WDFY3: variants seen among roughly 807,000 people sequenced by gnomAD.
WDFY3 encodes WD repeat and FYVE domain containing 3.
Under a neutral mutation model 409.6 loss-of-function variants are expected in WDFY3, and 66 were observed. The observed-to-expected ratio is 0.16, with a 90% confidence interval of 0.13 to 0.20. WDFY3 has a LOEUF of 0.20. WDFY3 is among the 10% of genes least tolerant of loss of function. The probability of loss-of-function intolerance (pLI) is 1.00; values close to 1 mark genes in which losing one functional copy is unlikely to be tolerated. For missense variants in WDFY3, 3,031 were observed against 4,298.1 expected, an observed-to-expected ratio of 0.71 and a Z score of 8.24; for synonymous variants, 1,521 against 1,537.1, an observed-to-expected ratio of 0.99 and a Z score of 0.25.
chr4:84,692,614 T>C (rs1729441773), intron 59 of WDFY3, among the ~76,000 whole-genome samples: 1 of 152,162 alleles, frequency 6.6e-6, no homozygotes, highest in African/African-American at 2.4e-5. Flanking sequence ...GGTTTTGGTA[T>C]TTTAGAGCTT....
In WDFY3 at chr4:84,930,158, A is replaced by G. The variant is rs539162424; in HGVS notation, c.-132+2112T>C. 6.6e-5 allele frequency among the ~76,000 whole-genome samples: 10 copies of G among 152,296 alleles called. No homozygotes were observed. In the East Asian group the frequency reaches 9.7e-4, roughly 15 times the overall value. On this transcript the variant is annotated intron_variant, in intron 2 of 67. Transcript: ENST00000295888. The stretch of plus-strand genomic sequence containing the variant: ...TTTGTTACAGCAGCCCTCACAAACT[A>G]ATATATGTGGCAATAGATAACACAC...
intron 56 of WDFY3, among the ~76,000 whole-genome samples, chr4:84,699,514 A>G (rs1333554489): frequency 6.6e-6 from 1 of 152,188 alleles, no homozygotes; most frequent in Non-Finnish European, 1.5e-5. Context: ...TAATGCTACT[A>G]TGAACATGCT....
At chr4:84,770,421 A>G (rs1744472478) in intron 30 of WDFY3, among the ~76,000 whole-genome samples, 1 of 152,188 alleles carries the variant, frequency 6.6e-6, no homozygotes, top group Non-Finnish European at 1.5e-5. Flanking sequence ...CTGGGAAACC[A>G]AAAAATTTAT....
chr4:84,677,054 GA>G, intron 67 of WDFY3, 144 bp downstream of exon 67: 1 of 910,470 alleles, frequency 1.1e-6, no homozygotes, highest in East Asian at 2.8e-5. Context: ...TAATAAAGAA[GA>G]ACAGAAAAAG....
intron 3 of WDFY3, among the ~76,000 whole-genome samples, chr4:84,881,884 A>G (rs188278216): frequency 2.0e-5 from 3 of 151,642 alleles, no homozygotes; most frequent in Admixed American, 6.6e-5. Context: ...CTGTCTCCAA[A>G]AAAAAAAAAA....
intron 10 of WDFY3, among the ~76,000 whole-genome samples, chr4:84,824,023 C>T (rs1344362895): frequency 6.6e-6 from 1 of 152,150 alleles, no homozygotes; most frequent in Non-Finnish European, 1.5e-5. Context: ...TGTCCATCAA[C>T]TGGTGAAGAG....
At chr4:84,819,440 A>C (rs1753759497) in intron 12 of WDFY3, among the ~76,000 whole-genome samples, 1 of 152,070 alleles carries the variant, frequency 6.6e-6, no homozygotes, top group Admixed American at 6.6e-5. Context: ...AGCCCAGCCT[A>C]CTAATCTGAA....
chr4:84,706,200 C>T (rs192160054), intron 53 of WDFY3, among the ~76,000 whole-genome samples: 2 of 152,102 alleles, frequency 1.3e-5, no homozygotes, highest in Admixed American at 1.3e-4. Flanking sequence ...GAAATATGTG[C>T]CTGTGGCATA....
chr4:84,755,513 A>G lies in WDFY3; in HGVS notation c.5425-113T>C, dbSNP rs531083903. 23 of 1,223,682 alleles carry G rather than the reference A, an allele frequency of 1.9e-5. No homozygotes were observed. In the South Asian group the frequency reaches 3.8e-4, roughly 20 times the overall value. 75.8% of individuals were successfully genotyped at this position (1,223,682 alleles called of 1,614,324 possible). ...AAACTAGTTTTTTGTTGTTTTTAAAAGTAACCAATGATATAGACATAAAGA... is the reference window on the plus strand; with the variant it reads ...AAACTAGTTTTTTGTTGTTTTTAAAGGTAACCAATGATATAGACATAAAGA... On this transcript the variant is annotated intron_variant, in intron 33 of 67. Transcript: ENST00000295888.
At chr4:84,854,224 T>C (rs558082916) in intron 4 of WDFY3, among the ~76,000 whole-genome samples, 23 of 152,152 alleles carry the variant, frequency 1.5e-4, no homozygotes, top group African/African-American at 5.1e-4. Flanking sequence ...ATCAGAGCTG[T>C]GCAAAGACCT....
intron 3 of WDFY3, among the ~76,000 whole-genome samples, chr4:84,895,734 G>A: frequency 6.6e-6 from 1 of 152,150 alleles, no homozygotes; most frequent in East Asian, 1.9e-4. Context: ...TAGAGGTAAG[G>A]GTGGGGCACA....
chr4:84,766,408 A>G, intron 30 of WDFY3, 36 bp from the exon 31 acceptor site: 2 of 1,541,048 alleles, frequency 1.3e-6, no homozygotes, highest in Non-Finnish European at 8.7e-7. Flanking sequence ...TCTCCCTAGT[A>G]GATAAGCTAA....
intron 3 of WDFY3, among the ~76,000 whole-genome samples, chr4:84,878,283 A>C (rs1028511417): frequency 2.0e-5 from 3 of 152,200 alleles, no homozygotes; most frequent in Admixed American, 2.0e-4. Flanking sequence ...GAACATCCCA[A>C]AGAGGAAAAC....
chr4:84,801,647 T>C lies in WDFY3; in HGVS notation c.2822+3A>G, dbSNP rs1165698262. 3.1e-6 allele frequency: 5 copies of C among 1,605,536 alleles called. No individual in the cohort carries two copies. Among genetic ancestry groups the C allele is most frequent in the Admixed American group, 3.4e-5 (2 of 59,582 alleles). On this transcript the variant is annotated splice_donor_region_variant and intron_variant, in intron 17 of 67. Coordinates refer to ENST00000295888, the MANE Select transcript of WDFY3 (RefSeq NM_014991.6). ...GACTATTTGAGTATGAAAGAGAACT[T>C]ACCTCAACACCATGGGTTCCAGAGC...
intron 62 of WDFY3, among the ~76,000 whole-genome samples, 160 bp from the exon 63 acceptor site, chr4:84,684,285 TA>T (rs35512337): frequency 4.6e-5 from 7 of 151,304 alleles, no homozygotes; most frequent in African/African-American, 1.2e-4. Flanking sequence ...CTTGCTGACT[TA>T]AAAAAAAATA....
At chr4:84,794,293 G>C (rs1162248658) in intron 21 of WDFY3, among the ~76,000 whole-genome samples, 2 of 152,146 alleles carry the variant, frequency 1.3e-5, no homozygotes, top group African/African-American at 4.8e-5. Context: ...TTGGCAAGTA[G>C]AGATTAGTCC....
rs147401565 is a variant in WDFY3 at position 84,733,415 on chromosome 4, G to A, written c.7188C>T (p.Tyr2396=). 16 of 1,613,938 alleles carry A rather than the reference G, an allele frequency of 9.9e-6. No individual in the cohort carries two copies. The highest frequency in any genetic ancestry group is 3.3e-5 in the South Asian group (3 of 91,072). ...TTGTCTCTTGCTCAGTTTCTGGCAC[G>A]TAAGGGTAATGGTTATAAAACATAT... is the stretch of plus-strand genomic sequence containing the variant. ...RNDMFYNHYP[Y]VPETEQETNV... Residue 2396 remains tyrosine, a synonymous_variant, in exon 44 of 68, where the codon TAC becomes TAT. Transcript: ENST00000295888.
chr4:84,708,065 T>C (rs553382986), intron 53 of WDFY3, among the ~76,000 whole-genome samples: 1 of 152,338 alleles, frequency 6.6e-6, no homozygotes, highest in African/African-American at 2.4e-5. Flanking sequence ...AAGTGTCTTT[T>C]GTTTTGCCTG....
intron 29 of WDFY3, among the ~76,000 whole-genome samples, chr4:84,774,518 G>A (rs945912074): frequency 6.6e-6 from 1 of 152,198 alleles, no homozygotes; most frequent in African/African-American, 2.4e-5. Context: ...TTGGGAAATA[G>A]GATTGGGAAC....
Sources: gnomAD v4.1 joint callset for allele counts (sites outside exome capture counted in the v4.1 genomes callset) on GRCh38, gnomAD v4.1.1 for gene constraint, MANE v1.5 for transcripts, NCBI Gene and HGNC (gene_info 2026-07-23, HGNC 2026-07-21) for gene names.